CLVS1: variants seen among roughly 807,000 people sequenced by gnomAD.
CLVS1 encodes the protein clavesin 1, also known as clavesin-1.
In CLVS1, 10 loss-of-function variants were observed where a neutral mutation model predicts 33.1. That is an observed-to-expected ratio of 0.30 (90% confidence interval 0.19 to 0.51). The LOEUF is 0.51. Ranked by LOEUF, CLVS1 falls within the 20% of genes least tolerant of loss-of-function variation. CLVS1 has a pLI of 0.97. For missense variants in CLVS1, 343 were observed against 433.4 expected (o/e 0.79, Z 1.85); for synonymous variants, 163 against 166.1 (o/e 0.98, Z 0.14).
In CLVS1 at chr8:61,234,299, G is replaced by T. The variant is rs16927039; in HGVS notation, c.-151-65378G>T. Among the ~76,000 whole-genome samples, 769 of 152,270 alleles carry T rather than the reference G, an allele frequency of 5.1e-3. 11 individuals carry two copies. The highest frequency in any genetic ancestry group is 0.018 in the African/African-American group (733 of 41,536). ...AGAGAAACAGCCTGGTTCGACCAGT[G>T]CCTGACGTCACTTGTTCTGCTGTGT... On this transcript the variant is annotated intron_variant, in intron 2 of 2. Coordinates refer to the CLVS1 transcript ENST00000522621.
chr8:61,121,148 A>T (rs1391145609), intron 1 of CLVS1, among the ~76,000 whole-genome samples: 2 of 151,856 alleles, frequency 1.3e-5, no homozygotes, highest in Non-Finnish European at 2.9e-5. Flanking sequence ...AGGTGCCGTC[A>T]GTCACCCCTT....
At chr8:61,275,723 T>C (rs949155660) in intron 2 of CLVS1, among the ~76,000 whole-genome samples, 1 of 152,230 alleles carries the variant, frequency 6.6e-6, no homozygotes, top group Non-Finnish European at 1.5e-5. Flanking sequence ...TAAAAACCAA[T>C]TTGATTATAG....
In CLVS1 at chr8:61,256,157, C is replaced by G. The variant is rs1009068001; in HGVS notation, c.-151-43520C>G. ...CTAGCCCCTAGTAACCACCATTTTA[C>G]TCTCTTTCTGTATGAATTTGACTAC... On this transcript the variant is annotated intron_variant, in intron 2 of 2. Transcript: ENST00000522621. 6.8e-4 allele frequency among the ~76,000 whole-genome samples: 103 copies of G among 152,296 alleles called. 1 individual carries two copies. The highest frequency in any genetic ancestry group is 9.8e-4 in the Non-Finnish European group (67 of 68,024).
At chr8:61,291,564 G>A (rs571949749) in intron 1 of CLVS1, among the ~76,000 whole-genome samples, 5 of 152,210 alleles carry the variant, frequency 3.3e-5, no homozygotes, top group South Asian at 4.1e-4. Context: ...GTAGGGGGGC[G>A]TGTTAAATTA....
intron 3 of CLVS1, 46 bp from the exon 4 acceptor site, chr8:61,454,095 A>G (rs1374322917): frequency 7.6e-7 from 1 of 1,321,456 alleles, no homozygotes; most frequent in Admixed American, 1.7e-5. Flanking sequence ...CCAGTCTAAC[A>G]AGGTGTGCTT....
the CLVS1 span, among the ~76,000 whole-genome samples, chr8:60,981,182 CA>C: frequency 6.6e-6 from 1 of 152,110 alleles, no homozygotes; most frequent in South Asian, 2.1e-4. Context: ...AACACAGGAA[CA>C]AAAAACTTAG....
chr8:61,372,996 C>G (rs1813500007), intron 2 of CLVS1, among the ~76,000 whole-genome samples: 1 of 152,138 alleles, frequency 6.6e-6, no homozygotes. Flanking sequence ...CTATACTGTA[C>G]TCTTTGAAGG....
rs76151740 is a variant in CLVS1 at position 61,178,078 on chromosome 8, G to A, written c.-152+46218G>A. Among the ~76,000 whole-genome samples, 860 of 152,184 alleles carry A rather than the reference G, an allele frequency of 5.7e-3. 10 individuals are homozygous for A. Among genetic ancestry groups the A allele is most frequent in the African/African-American group, 0.019 (793 of 41,538 alleles). On this transcript the variant is annotated intron_variant, in intron 2 of 2. Coordinates refer to the CLVS1 transcript ENST00000522621. ...GTAAAGGAACATGCTCTAACTCAAC[G>A]CAAAGAAGCTAAGAACCTTGATAAA...
chr8:61,352,795 TACA>T (rs1812524050), intron 2 of CLVS1, among the ~76,000 whole-genome samples: 2 of 151,634 alleles, frequency 1.3e-5, no homozygotes, highest in Admixed American at 1.3e-4. Flanking sequence ...AAAATAACAA[TACA>T]ACAATAAAAA....
intron 2 of CLVS1, among the ~76,000 whole-genome samples, chr8:61,310,645 G>A (rs1489519510): frequency 6.6e-6 from 1 of 152,142 alleles, no homozygotes; most frequent in East Asian, 1.9e-4. Context: ...GAAACCTAGC[G>A]AACCAAATGT....
intron 1 of CLVS1, among the ~76,000 whole-genome samples, chr8:61,130,297 G>T (rs1806069633): frequency 6.8e-6 from 1 of 147,786 alleles, no homozygotes; most frequent in Admixed American, 6.8e-5. Context: ...TTTAAAAAAA[G>T]GAGTTAAAAA....
chr8:61,168,117 CT>C (rs963108956), intron 2 of CLVS1, among the ~76,000 whole-genome samples: 39 of 152,160 alleles, frequency 2.6e-4, no homozygotes, highest in African/African-American at 9.2e-4. Flanking sequence ...ATCGGGACCC[CT>C]TTCCTGTAAC....
chr8:61,098,402 G>GATATATATATATATATATATATATATAT (rs59671943), intron 1 of CLVS1, among the ~76,000 whole-genome samples: 3 of 143,968 alleles, frequency 2.1e-5, no homozygotes, highest in African/African-American at 7.8e-5. Flanking sequence ...TAGGGAAACT[G>GATATATATATATATATATATATATATAT]ATATATATAT....
At position 61,501,411 on chromosome 8, in the gene CLVS1, C is replaced by CTAAG. The variant is rs1804911224; in HGVS notation, c.*1871_*1874dup. ...GATTTTAAATACCATATTATATTTA[C>CTAAG]TAAGTTAAGAGCTAGTTTTTACTCT... On this transcript the variant is annotated 3_prime_UTR_variant, in exon 6 of 6. Coordinates refer to ENST00000325897, the MANE Select transcript of CLVS1 (RefSeq NM_173519.3). 6.6e-6 allele frequency: 1 copy of CTAAG among 152,138 alleles called. No homozygotes were observed. Among genetic ancestry groups the CTAAG allele is most frequent in the East Asian group, 1.9e-4 (1 of 5,202 alleles). The allele number at this position is 152,138 out of a possible 1,614,324, so 9.4% of individuals were successfully genotyped here. A position where few individuals can be genotyped will look rare whatever the true frequency, so the allele number is the denominator to read the frequency against.
At chr8:61,012,009 G>C in the CLVS1 span, among the ~76,000 whole-genome samples, 3 of 152,188 alleles carry the variant, frequency 2.0e-5, no homozygotes, top group Non-Finnish European at 4.4e-5. Context: ...GGCCAGTGTG[G>C]CAAGGCACAC....
At chr8:61,225,043 A>G (rs1359993157) in intron 2 of CLVS1, among the ~76,000 whole-genome samples, 1 of 152,288 alleles carries the variant, frequency 6.6e-6, no homozygotes, top group Non-Finnish European at 1.5e-5. Flanking sequence ...GTGGCCAGGC[A>G]TGGTGGCTCA....
At chr8:61,488,844 C>T (rs968602900) in intron 5 of CLVS1, among the ~76,000 whole-genome samples, 1 of 152,196 alleles carries the variant, frequency 6.6e-6, no homozygotes, top group Admixed American at 6.5e-5. Context: ...GTGGCCTTCC[C>T]TGGCTCCCTT....
chr8:61,223,860 G>T (rs564208741), intron 2 of CLVS1, among the ~76,000 whole-genome samples: 1 of 152,078 alleles, frequency 6.6e-6, no homozygotes, highest in Non-Finnish European at 1.5e-5. Flanking sequence ...TGGAGGCTTT[G>T]CTCATTCCTT....
At chr8:61,073,255 G>T (rs1554531935) in intron 1 of CLVS1, among the ~76,000 whole-genome samples, 2 of 152,166 alleles carry the variant, frequency 1.3e-5, no homozygotes, top group Non-Finnish European at 2.9e-5. Context: ...TATATTGCTT[G>T]TTCTTACCAT....
Sources: allele counts gnomAD v4.1 joint callset (sites outside exome capture counted in the v4.1 genomes callset), GRCh38; gene constraint gnomAD v4.1.1; transcripts MANE v1.5; gene names NCBI Gene and HGNC (gene_info 2026-07-23, HGNC 2026-07-21).